RASSF6: variants seen among roughly 807,000 people sequenced by gnomAD.
The protein encoded by RASSF6 is Ras association domain family member 6.
Under a neutral mutation model 44.0 loss-of-function variants are expected in RASSF6, and 52 were observed. The ratio of observed to expected loss-of-function variants is 1.18; its 90% CI spans 0.95 to 1.49. The LOEUF (loss-of-function observed/expected upper bound fraction) is 1.49, where lower values mean the gene tolerates loss of function less well. RASSF6 is among the 40% of genes most tolerant of loss of function. RASSF6 has a pLI of 0.00. For synonymous variants in RASSF6, 162 were observed against 124.6 expected (o/e 1.30, Z -2.00); for missense variants, 464 against 393.3 (o/e 1.18, Z -1.52).
rs141994997 is a variant in RASSF6 at position 73,602,811 on chromosome 4, A to G, written c.66-4093T>C. ...CAAGAAATAGACACAAGTTTCGGCC[A>G]GGCGCGGTGGCTCATGCCTGTAATC... On this transcript the variant is annotated intron_variant, in intron 2 of 10. Coordinates refer to ENST00000307439, the MANE Select transcript of RASSF6 (RefSeq NM_177532.5). 8.7e-3 allele frequency among the ~76,000 whole-genome samples: 1,330 copies of G among 152,318 alleles called. 21 individuals carry two copies. Among genetic ancestry groups the G allele is most frequent in the African/African-American group, 0.03 (1,248 of 41,558 alleles).
intron 4 of RASSF6, among the ~76,000 whole-genome samples, chr4:73,590,183 G>A (rs997885149): frequency 6.6e-6 from 1 of 152,168 alleles, no homozygotes; most frequent in African/African-American, 2.4e-5. Flanking sequence ...AGTGGTCAGA[G>A]CTCAAAAAAA....
intron 2 of RASSF6, among the ~76,000 whole-genome samples, chr4:73,600,986 C>G (rs1283069924): frequency 6.6e-6 from 1 of 152,188 alleles, no homozygotes; most frequent in African/African-American, 2.4e-5. Flanking sequence ...TGTAAAGAAA[C>G]TTCAGGGACA....
At chr4:73,601,857 G>A (rs751510891) in intron 2 of RASSF6, among the ~76,000 whole-genome samples, 1 of 152,212 alleles carries the variant, frequency 6.6e-6, no homozygotes, top group Non-Finnish European at 1.5e-5. Flanking sequence ...TTGATCATCT[G>A]TGTCTATTCA....
rs961574417 is a variant in RASSF6 at position 73,582,985 on chromosome 4, A to G, written c.568-695T>C. Among the ~76,000 whole-genome samples the G allele has an allele frequency of 3.3e-5, 5 of 152,252 alleles. No individual in the cohort carries two copies. In the East Asian group the frequency reaches 5.8e-4, roughly 18 times the overall value. ...TATTTGTAGACATTTTAGAGCATTG[A>G]TAAGTTATTCTGTGACATTTACGAT... On this transcript the variant is annotated intron_variant, in intron 6 of 10. Transcript: ENST00000307439.
chr4:73,576,259 T>C lies in RASSF6; in HGVS notation c.990A>G (p.Val330=). Residue 330 remains valine, a synonymous_variant, in exon 11 of 11, where the codon GTA becomes GTG. Transcript: ENST00000307439. ...IILKCLQNKL[V]IKTETTV ...GCTAAACTGTTGTCTCTGTTTTTATTACTAGTTTATTTTGAAGACATTTCA... is the reference window on the plus strand; with the variant it reads ...GCTAAACTGTTGTCTCTGTTTTTATCACTAGTTTATTTTGAAGACATTTCA... 1 of 1,560,400 alleles carries C rather than the reference T, an allele frequency of 6.4e-7. No homozygotes were observed. The highest frequency in any genetic ancestry group is 8.8e-7 in the Non-Finnish European group (1 of 1,135,768).
chr4:73,591,643 G>C (rs1724568078), intron 4 of RASSF6, among the ~76,000 whole-genome samples: 1 of 152,120 alleles, frequency 6.6e-6, no homozygotes, highest in Admixed American at 6.5e-5. Context: ...GCTCTCTCAG[G>C]CTGCTGGAGG....
chr4:73,578,694 C>T (rs1247665), intron 8 of RASSF6, among the ~76,000 whole-genome samples: 1,654 of 151,650 alleles, frequency 0.011, 31 homozygotes, highest in African/African-American at 0.037. Flanking sequence ...CTGCAACCTC[C>T]GCCTCCTGAG....
chr4:73,593,687 A>C, intron 3 of RASSF6, 94 bp from the exon 4 acceptor site: 2 of 1,211,142 alleles, frequency 1.7e-6, no homozygotes, highest in Non-Finnish European at 2.4e-6. Flanking sequence ...TGCGTAAGAA[A>C]CCTAAATAGA....
At position 73,576,677 on chromosome 4, in the gene RASSF6, C is replaced by A. The variant is rs1209574796; in HGVS notation, c.776G>T (p.Gly259Val). 4.3e-6 allele frequency: 7 copies of A among 1,613,722 alleles called. No individual in the cohort carries two copies. Among genetic ancestry groups the A allele is most frequent in the Non-Finnish European group, 5.9e-6 (7 of 1,179,824 alleles). ...DIPLLQRLLQ[G>V]PSEKNARIFL... ...AATGCGAGCATTCTTTTCAGAAGGT[C>A]CCTGTAGGAGCCTCTGCAGTAGCGG... Residue 259 changes from glycine (G) to valine (V), a missense_variant, in exon 9 of 11, where the codon GGA becomes GTA. By Grantham distance (109) the Gly-to-Val change is moderately radical. Coordinates refer to ENST00000307439, the MANE Select transcript of RASSF6 (RefSeq NM_177532.5).
upstream of RASSF6, chr4:73,620,497 G>A: frequency 3.9e-6 from 6 of 1,543,570 alleles, no homozygotes; most frequent in Non-Finnish European, 5.2e-6. Flanking sequence ...TCCTCCCAGA[G>A]CATGGCTCAG....
chr4:73,596,169 G>C (rs947895296), intron 3 of RASSF6, among the ~76,000 whole-genome samples: 1 of 151,834 alleles, frequency 6.6e-6, no homozygotes, highest in African/African-American at 2.4e-5. Context: ...AATAAAGGAC[G>C]TTCAAATAGC....
intron 1 of RASSF6, among the ~76,000 whole-genome samples, chr4:73,613,719 A>T (rs1726173105): frequency 6.6e-6 from 1 of 152,068 alleles, no homozygotes; most frequent in African/African-American, 2.4e-5. Flanking sequence ...CTTTTAAAAC[A>T]CTTTCTTCTT....
At position 73,573,055 on chromosome 4, in the gene RASSF6, C is replaced by T. The variant is rs1241866329; in HGVS notation, c.*3180G>A. The T allele has an allele frequency of 2.2e-4, 34 of 151,526 alleles. No individual in the cohort carries two copies. Among genetic ancestry groups the T allele is most frequent in the Admixed American group, 2.2e-3 (34 of 15,220 alleles). The allele number at this position is 151,526 out of a possible 1,614,324, so 9.4% of individuals were successfully genotyped here. ...TCTTATTTAGATATATAAGAATTTA[C>T]CCCTGTAATTAAAATTACTTGGAAA... is the stretch of plus-strand genomic sequence containing the variant. On this transcript the variant is annotated 3_prime_UTR_variant, in exon 11 of 11. Coordinates refer to ENST00000307439, the MANE Select transcript of RASSF6 (RefSeq NM_177532.5).
At chr4:73,615,061 C>A (rs1726260776) in intron 1 of RASSF6, among the ~76,000 whole-genome samples, 1 of 151,228 alleles carries the variant, frequency 6.6e-6, no homozygotes, top group Non-Finnish European at 1.5e-5. Context: ...CACTTTTAAT[C>A]CCAGCTACCT....
intron 3 of RASSF6, among the ~76,000 whole-genome samples, chr4:73,593,830 G>A (rs1292759811): frequency 6.6e-6 from 1 of 152,186 alleles, no homozygotes; most frequent in Non-Finnish European, 1.5e-5. Context: ...GTAATGGCAT[G>A]TCCACCAGAG....
chr4:73,592,173 A>G lies in RASSF6; in HGVS notation c.287+1278T>C, dbSNP rs1031569889. On this transcript the variant is annotated intron_variant, in intron 4 of 10. Transcript: ENST00000307439. Reference sequence around the variant, plus strand: ...ATGTGTAGGGAATTACAAAACATTCAGCATGGCAGTAGCATAATTTTTGAG... The same window carrying G: ...ATGTGTAGGGAATTACAAAACATTCGGCATGGCAGTAGCATAATTTTTGAG... 2.6e-5 allele frequency among the ~76,000 whole-genome samples: 4 copies of G among 152,350 alleles called. 1 individual carries two copies. The highest frequency in any genetic ancestry group is 2.6e-4 in the Admixed American group (4 of 15,304).
chr4:73,596,796 T>A (rs562791337), intron 3 of RASSF6, among the ~76,000 whole-genome samples: 5 of 151,844 alleles, frequency 3.3e-5, no homozygotes, highest in Non-Finnish European at 5.9e-5. Flanking sequence ...TGGAACAGAG[T>A]AGAGAACCCA....
Position 73,593,445 on chromosome 4 carries a change from G to A in RASSF6, c.287+6C>T. The A allele has an allele frequency of 6.3e-7, 1 of 1,599,208 alleles. No homozygotes were observed. On this transcript the variant is annotated splice_donor_region_variant and intron_variant, in intron 4 of 10. Coordinates refer to ENST00000307439, the MANE Select transcript of RASSF6 (RefSeq NM_177532.5). ...TGAGGAATTAAAAACATGAAAGATA[G>A]CTTACCCTTTGCTGGAGAAGACGTC...
chr4:73,591,234 A>G (rs1455030249), intron 4 of RASSF6, among the ~76,000 whole-genome samples: 1 of 152,184 alleles, frequency 6.6e-6, no homozygotes, highest in Non-Finnish European at 1.5e-5. Context: ...TATGCATAAA[A>G]ACATGTATCC....
Sources: gnomAD v4.1 joint callset for allele counts (sites outside exome capture counted in the v4.1 genomes callset) on GRCh38, gnomAD v4.1.1 for gene constraint, MANE v1.5 for transcripts, NCBI Gene and HGNC (gene_info 2026-07-23, HGNC 2026-07-21) for gene names.